Variants in ABCD3 observed in about 807,000 individuals in gnomAD.
ABCD3 encodes ATP-binding cassette sub-family D member 3.
A neutral mutation model predicts 105.5 loss-of-function variants in ABCD3; 41 were observed. That is an observed-to-expected ratio of 0.39 (90% CI 0.30 to 0.50). ABCD3 has a LOEUF of 0.50. ABCD3 is among the 20% of genes least tolerant of loss of function. The pLI is 0.84. For missense variants in ABCD3, 622 were observed against 806.3 expected (o/e 0.77, Z 2.77); for synonymous variants, 258 against 269.0 (o/e 0.96, Z 0.40).
rs866022138 is a variant in ABCD3, at chr1:94,419,484, A to G, written c.110+896A>G. Among the ~76,000 whole-genome samples, 11 of 152,256 alleles carry G rather than the reference A, an allele frequency of 7.2e-5. No individual in the cohort carries two copies. The Middle Eastern group carries it at 0.01, about 141-fold the overall frequency. On this transcript the variant is annotated intron_variant, in intron 1 of 22. Transcript: ENST00000370214. ...CAGGTATGTATGTCACATACATGCA[A>G]TTTTTATTTGCTGGACAAGTGAAAG... is the stretch of plus-strand genomic sequence containing the variant.
chr1:94,449,123 C>G (rs572407452), intron 1 of ABCD3, among the ~76,000 whole-genome samples: 1 of 152,152 alleles, frequency 6.6e-6, no homozygotes, highest in Admixed American at 6.5e-5. Context: ...TCTCCAGGAC[C>G]GAATCAACAG....
Position 94,464,757 on chromosome 1 carries a change from T to G in ABCD3, c.148-18T>G. 1 of 1,600,620 alleles carries G rather than the reference T, an allele frequency of 6.2e-7. No homozygotes were observed. The highest frequency in any genetic ancestry group is 8.6e-7 in the Non-Finnish European group (1 of 1,167,586). ...TTTGTTATAGCTATCTTAAAAGGGC[T>G]TCTTTTTTTTAATGCAGAAAGAGGG... On this transcript the variant is annotated intron_variant, in intron 2 of 22. Coordinates refer to ENST00000370214, the MANE Select transcript of ABCD3 (RefSeq NM_002858.4).
chr1:94,427,633 C>T (rs1276499759), intron 1 of ABCD3, among the ~76,000 whole-genome samples: 1 of 152,096 alleles, frequency 6.6e-6, no homozygotes, highest in African/African-American at 2.4e-5. Flanking sequence ...GGAATTTTAT[C>T]TGCTAAATTA....
intron 1 of ABCD3, among the ~76,000 whole-genome samples, chr1:94,427,312 TTTTG>T (rs1659506161): frequency 6.6e-6 from 1 of 152,226 alleles, no homozygotes; most frequent in South Asian, 2.1e-4. Flanking sequence ...GAAACCCTGA[TTTTG>T]TTTATCATCA....
chr1:94,416,718 C>T (rs1449122564), upstream of ABCD3, among the ~76,000 whole-genome samples: 1 of 152,154 alleles, frequency 6.6e-6, no homozygotes, highest in Non-Finnish European at 1.5e-5. Flanking sequence ...AAAGCCTAAA[C>T]ATATTTTGCT....
At chr1:94,457,077 G>T (rs910518801) in intron 1 of ABCD3, among the ~76,000 whole-genome samples, 2 of 151,984 alleles carry the variant, frequency 1.3e-5, no homozygotes, top group South Asian at 2.1e-4. Flanking sequence ...TCCTTTGCTC[G>T]TTTTTTAAAA....
upstream of ABCD3, among the ~76,000 whole-genome samples, chr1:94,413,421 A>G (rs564641296): frequency 2.0e-5 from 3 of 152,326 alleles, no homozygotes; most frequent in African/African-American, 7.2e-5. Context: ...CAATGCGGAC[A>G]CAGTTGGGAG....
intron 1 of ABCD3, among the ~76,000 whole-genome samples, chr1:94,421,557 A>G (rs1176004297): frequency 1.9e-5 from 2 of 103,272 alleles, no homozygotes; most frequent in African/African-American, 6.0e-5. Flanking sequence ...ACTGGGAGCT[A>G]TAAGATGTGT....
intron 1 of ABCD3, among the ~76,000 whole-genome samples, chr1:94,427,903 GAGTA>G (rs1225867824): frequency 6.6e-6 from 1 of 152,132 alleles, no homozygotes; most frequent in East Asian, 1.9e-4. Flanking sequence ...TTCTTTTTAA[GAGTA>G]AGTCACTTTT....
intron 10 of ABCD3, 102 bp downstream of exon 10, chr1:94,483,341 A>G (rs1057332637): frequency 1.2e-6 from 1 of 817,336 alleles, no homozygotes; most frequent in Non-Finnish European, 2.1e-6. Flanking sequence ...ACAAACACAC[A>G]CGTATGTATA....
chr1:94,410,715 G>A, the ABCD3 span, among the ~76,000 whole-genome samples: 4 of 152,132 alleles, frequency 2.6e-5, no homozygotes, highest in Non-Finnish European at 5.9e-5. Flanking sequence ...ATGAAGGCTG[G>A]GGCAATGACA....
At chr1:94,492,649 C>T (rs1194193777) in intron 16 of ABCD3, among the ~76,000 whole-genome samples, 1 of 152,138 alleles carries the variant, frequency 6.6e-6, no homozygotes, top group Non-Finnish European at 1.5e-5. Context: ...TTTCCAGTAG[C>T]CCCTTTATTG....
intron 1 of ABCD3, among the ~76,000 whole-genome samples, chr1:94,430,566 T>C (rs1391029741): frequency 1.3e-5 from 2 of 152,188 alleles, no homozygotes; most frequent in African/African-American, 2.4e-5. Context: ...CTGCACAAGC[T>C]GTTTTTGTCT....
intron 5 of ABCD3, among the ~76,000 whole-genome samples, chr1:94,474,409 T>C (rs531036510): frequency 6.6e-6 from 1 of 152,300 alleles, no homozygotes; most frequent in East Asian, 1.9e-4. Flanking sequence ...TTTCTTAGGT[T>C]GGTTCTCATT....
Position 94,506,521 on chromosome 1 carries a change from T to TA in ABCD3, c.1741-17_1741-16insA, listed in dbSNP as rs753455469. On this transcript the variant is annotated splice_polypyrimidine_tract_variant and intron_variant, in intron 20 of 22. Transcript: ENST00000370214. ...GTCTGCCTGTGTTTTACACAAAAAA[T>TA]TTTTTTTATGCTTCAGATGGCAAGA... The TA allele has an allele frequency of 1.9e-6, 3 of 1,561,382 alleles. No individual in the cohort carries two copies. In the South Asian group the frequency reaches 3.3e-5, roughly 17 times the overall value.
Position 94,418,640 on chromosome 1 carries a change from C to G in ABCD3, c.110+52C>G, listed in dbSNP as rs778731093. ...TTCCCGGGCTGGAGCGGGCGCTCCC[C>G]GCGCGCTCTCTCTCCCCACCCGGCC... On this transcript the variant is annotated intron_variant, in intron 1 of 22. Transcript: ENST00000370214. 6 of 1,524,882 alleles carry G rather than the reference C, an allele frequency of 3.9e-6. No homozygotes were observed. The South Asian group carries it at 5.9e-5, about 15-fold the overall frequency. The allele number at this position is 1,524,882 out of a possible 1,614,324, so 94.5% of individuals were successfully genotyped here.
intron 1 of ABCD3, among the ~76,000 whole-genome samples, chr1:94,439,642 ACT>A (rs1354590457): frequency 1.3e-5 from 2 of 151,740 alleles, no homozygotes; most frequent in African/African-American, 4.8e-5. Context: ...AATAAAAAAT[ACT>A]CTGTTTTGTT....
intron 2 of ABCD3, among the ~76,000 whole-genome samples, chr1:94,460,853 T>C (rs1472980747): frequency 6.6e-6 from 1 of 152,170 alleles, no homozygotes; most frequent in South Asian, 2.1e-4. Flanking sequence ...CCGTGATCTC[T>C]CATGTCTAAG....
At chr1:94,423,699 C>T (rs896564884) in intron 1 of ABCD3, among the ~76,000 whole-genome samples, 8 of 152,080 alleles carry the variant, frequency 5.3e-5, no homozygotes, top group Admixed American at 3.3e-4. Context: ...TGGACATTCC[C>T]ACTGCTGGAA....
Sources: allele counts gnomAD v4.1 joint callset (sites outside exome capture counted in the v4.1 genomes callset), GRCh38; gene constraint gnomAD v4.1.1; transcripts MANE v1.5; gene names NCBI Gene and HGNC (gene_info 2026-07-23, HGNC 2026-07-21).